Variants in BICC1 observed in about 807,000 individuals in gnomAD.
BICC1 encodes the protein protein bicaudal C homolog 1.
In BICC1, 43 loss-of-function variants were observed where a neutral mutation model predicts 111.0. That is an observed-to-expected ratio of 0.39 (90% CI 0.30 to 0.50). The LOEUF is 0.50. Ranked by LOEUF, BICC1 falls within the 20% of genes least tolerant of loss-of-function variation. The pLI is 0.88. For synonymous variants in BICC1, 467 were observed against 434.4 expected (o/e 1.07, Z -0.93); for missense variants, 1,091 against 1,203.2 (o/e 0.91, Z 1.38).
chr10:58,741,895 A>G (rs1188360975), intron 3 of BICC1, among the ~76,000 whole-genome samples: 2 of 152,190 alleles, frequency 1.3e-5, no homozygotes, highest in Non-Finnish European at 2.9e-5. Flanking sequence ...AAACTTGAAT[A>G]CCGAAGCAGT....
chr10:58,541,919 G>A (rs1272280857), intron 1 of BICC1, among the ~76,000 whole-genome samples: 1 of 152,070 alleles, frequency 6.6e-6, no homozygotes, highest in Non-Finnish European at 1.5e-5. Flanking sequence ...GAAGGCAGAG[G>A]TGGGCAGATC....
intron 3 of BICC1, among the ~76,000 whole-genome samples, chr10:58,753,506 AAT>A (rs1564593810): frequency 6.6e-6 from 1 of 152,030 alleles, no homozygotes; most frequent in African/African-American, 2.4e-5. Context: ...ATCCATCTGG[AAT>A]ATGTTTTTGT....
intron 2 of BICC1, among the ~76,000 whole-genome samples, chr10:58,634,403 A>G (rs1398827230): frequency 6.6e-6 from 1 of 152,188 alleles, no homozygotes; most frequent in African/African-American, 2.4e-5. Context: ...CTAGAGCACC[A>G]TTCTTAACCC....
intron 17 of BICC1, among the ~76,000 whole-genome samples, chr10:58,807,381 G>A (rs1488655960): frequency 6.6e-6 from 1 of 152,152 alleles, no homozygotes; most frequent in Non-Finnish European, 1.5e-5. Flanking sequence ...CTCTTAAAGA[G>A]ATGTAAATTT....
At chr10:58,591,904 G>A (rs1252006548) in intron 1 of BICC1, among the ~76,000 whole-genome samples, 1 of 152,108 alleles carries the variant, frequency 6.6e-6, no homozygotes, top group Admixed American at 6.5e-5. Flanking sequence ...TTTAATGTTC[G>A]CTAACCACAT....
chr10:58,672,041 A>G (rs1439316853), intron 2 of BICC1, among the ~76,000 whole-genome samples: 1 of 152,110 alleles, frequency 6.6e-6, no homozygotes, highest in African/African-American at 2.4e-5. Context: ...TGCAGTGTCT[A>G]AATGTTGGAA....
chr10:58,565,964 C>T (rs192638606), intron 1 of BICC1, among the ~76,000 whole-genome samples: 46 of 152,234 alleles, frequency 3.0e-4, no homozygotes, highest in African/African-American at 1.1e-3. Flanking sequence ...CCCTCAGCCC[C>T]ATCCCACCTT....
intron 2 of BICC1, among the ~76,000 whole-genome samples, chr10:58,645,824 C>A (rs1248184025): frequency 1.3e-5 from 2 of 152,200 alleles, no homozygotes; most frequent in African/African-American, 4.8e-5. Flanking sequence ...AAGAAAACAA[C>A]TCCATCTTGC....
At chr10:58,536,005 G>A (rs1431087876) in intron 1 of BICC1, among the ~76,000 whole-genome samples, 1 of 150,416 alleles carries the variant, frequency 6.6e-6, no homozygotes, top group East Asian at 1.9e-4. Context: ...ATGATAAAAG[G>A]ATCCAATTCA....
In BICC1 at chr10:58,640,085, A is replaced by G. The variant is rs532031305; in HGVS notation, c.237+19184A>G. 3.9e-5 allele frequency among the ~76,000 whole-genome samples: 6 copies of G among 152,306 alleles called. No homozygotes were observed. In the South Asian group the frequency reaches 1.2e-3, roughly 32 times the overall value. ...CAGAAATGGTAATTTTTCAGTAAGC[A>G]TAAGATAACATTACTTTTTATTCTT... On this transcript the variant is annotated intron_variant, in intron 2 of 20. Coordinates refer to ENST00000373886, the MANE Select transcript of BICC1 (RefSeq NM_001080512.3).
At chr10:58,715,134 G>A (rs1257642497) in intron 3 of BICC1, among the ~76,000 whole-genome samples, 1 of 151,806 alleles carries the variant, frequency 6.6e-6, no homozygotes, top group African/African-American at 2.4e-5. Flanking sequence ...TTTTTTAAAA[G>A]TCCTTTTTAT....
chr10:58,539,536 TA>T (rs34417421), intron 1 of BICC1, among the ~76,000 whole-genome samples: 3 of 150,766 alleles, frequency 2.0e-5, no homozygotes, highest in Admixed American at 1.3e-4. Context: ...GCTACTGAAA[TA>T]AAAAAAAATT....
intron 2 of BICC1, among the ~76,000 whole-genome samples, chr10:58,626,097 G>A (rs892606963): frequency 5.9e-5 from 9 of 152,034 alleles, no homozygotes; most frequent in Non-Finnish European, 1.0e-4. Flanking sequence ...ACACGTACAT[G>A]GCTCACAATT....
intron 20 of BICC1, among the ~76,000 whole-genome samples, chr10:58,821,498 C>T (rs1295506815): frequency 6.6e-6 from 1 of 152,072 alleles, no homozygotes; most frequent in Non-Finnish European, 1.5e-5. Flanking sequence ...GAATGCCCCA[C>T]CCATCTTCCC....
intron 1 of BICC1, among the ~76,000 whole-genome samples, chr10:58,587,924 A>G (rs1344741666): frequency 2.0e-5 from 3 of 152,120 alleles, no homozygotes; most frequent in East Asian, 1.9e-4. Flanking sequence ...TTCATGATTA[A>G]TGGTCAGGAA....
chr10:58,743,416 G>T (rs1453776516), intron 3 of BICC1, among the ~76,000 whole-genome samples: 1 of 151,326 alleles, frequency 6.6e-6, no homozygotes, highest in Non-Finnish European at 1.5e-5. Flanking sequence ...TGGGACCAGG[G>T]CCTCTTCCCC....
chr10:58,592,436 G>T (rs1473468011), intron 1 of BICC1, among the ~76,000 whole-genome samples: 1 of 152,144 alleles, frequency 6.6e-6, no homozygotes, highest in African/African-American at 2.4e-5. Context: ...CTCTGGGCCA[G>T]TCGCAATGGC....
intron 3 of BICC1, among the ~76,000 whole-genome samples, chr10:58,725,720 C>T (rs1345102125): frequency 2.0e-5 from 3 of 152,144 alleles, no homozygotes; most frequent in South Asian, 2.1e-4. Flanking sequence ...AAGATGACTT[C>T]CTGGCCACCT....
chr10:58,621,374 G>A (rs1048696253), intron 2 of BICC1, among the ~76,000 whole-genome samples: 10 of 152,098 alleles, frequency 6.6e-5, no homozygotes, highest in Admixed American at 2.6e-4. Flanking sequence ...AAATTTATAG[G>A]CTCAGGCTGA....
Sources: allele counts gnomAD v4.1 joint callset (sites outside exome capture counted in the v4.1 genomes callset), GRCh38; gene constraint gnomAD v4.1.1; transcripts MANE v1.5; gene names NCBI Gene and HGNC (gene_info 2026-07-23, HGNC 2026-07-21).